The following OLFM2 variants were observed in gnomAD, a reference collection of about 807,000 sequenced individuals.
OLFM2 encodes noelin-2.
A neutral mutation model predicts 43.9 loss-of-function variants in OLFM2; 20 were observed. The observed-to-expected ratio is 0.46, with a 90% confidence interval of 0.32 to 0.66. The LOEUF is 0.66. Among genes scored for constraint, OLFM2 ranks in the 30% least tolerant of loss-of-function variants. OLFM2 has a pLI of 0.04. For synonymous variants in OLFM2, 268 were observed against 278.6 expected (o/e 0.96, Z 0.38); for missense variants, 416 against 643.6 (o/e 0.65, Z 3.83).
chr19:9,886,522 T>C (rs989164795), intron 1 of OLFM2, among the ~76,000 whole-genome samples: 1 of 152,040 alleles, frequency 6.6e-6, no homozygotes. Flanking sequence ...CAGTGTCCCT[T>C]CAGGTTCACA....
At chr19:9,871,658 A>C (rs5004102) in intron 1 of OLFM2, among the ~76,000 whole-genome samples, 74,701 of 151,352 alleles carry the variant, frequency 0.49, 18,831 homozygotes, top group African/African-American at 0.59. Flanking sequence ...CCATCTGGTT[A>C]CACAGTCTAC....
chr19:9,876,697 G>A (rs1425533204), intron 1 of OLFM2, among the ~76,000 whole-genome samples: 1 of 152,162 alleles, frequency 6.6e-6, no homozygotes, highest in Non-Finnish European at 1.5e-5. Flanking sequence ...CAGGTCTGCC[G>A]TGTGACCTTG....
intron 1 of OLFM2, among the ~76,000 whole-genome samples, chr19:9,919,313 C>T (rs1178372263): frequency 3.3e-5 from 5 of 151,956 alleles, no homozygotes; most frequent in African/African-American, 1.2e-4. Flanking sequence ...GCTACAGGCG[C>T]CTACCACCAC....
chr19:9,913,343 C>T, intron 1 of OLFM2: 1 of 383,900 alleles, frequency 2.6e-6, no homozygotes, highest in South Asian at 1.1e-4. Flanking sequence ...GCGTCCCCTA[C>T]CCAGGCGTGC....
At chr19:9,910,264 T>C (rs1396594487) in intron 1 of OLFM2, among the ~76,000 whole-genome samples, 1 of 152,084 alleles carries the variant, frequency 6.6e-6, no homozygotes, top group Non-Finnish European at 1.5e-5. Flanking sequence ...AATTAAATAA[T>C]TTCCCCCAAA....
chr19:9,920,926 T>C (rs1343841502), intron 1 of OLFM2, among the ~76,000 whole-genome samples: 3 of 151,914 alleles, frequency 2.0e-5, no homozygotes, highest in Non-Finnish European at 2.9e-5. Context: ...AAAAGTTTAT[T>C]TCCCTTGAAA....
At chr19:9,928,672 G>T in intron 1 of OLFM2, among the ~76,000 whole-genome samples, 1 of 151,906 alleles carries the variant, frequency 6.6e-6, no homozygotes, top group Non-Finnish European at 1.5e-5. Flanking sequence ...AGGCATGGTG[G>T]TGCACGCCTG....
intron 2 of OLFM2, among the ~76,000 whole-genome samples, chr19:9,858,799 G>A (rs2046344173): frequency 6.6e-6 from 1 of 152,026 alleles, no homozygotes; most frequent in Non-Finnish European, 1.5e-5. Flanking sequence ...TTGTTAAGGT[G>A]AACTCCATCT....
At chr19:9,904,774 C>T (rs1006218220) in intron 1 of OLFM2, among the ~76,000 whole-genome samples, 3 of 152,170 alleles carry the variant, frequency 2.0e-5, no homozygotes, top group Non-Finnish European at 2.9e-5. Context: ...AATCCCAACA[C>T]TCCGGGAGGC....
intron 1 of OLFM2, among the ~76,000 whole-genome samples, chr19:9,925,020 T>C (rs2086444245): frequency 6.6e-6 from 1 of 152,092 alleles, no homozygotes; most frequent in Non-Finnish European, 1.5e-5. Flanking sequence ...CCCAGCACTT[T>C]GGGAGGCTGA....
At chr19:9,882,190 T>A in intron 1 of OLFM2, among the ~76,000 whole-genome samples, 1 of 147,484 alleles carries the variant, frequency 6.8e-6, no homozygotes, top group East Asian at 2.0e-4. Context: ...CAGTGAGCTG[T>A]GATAACGCCA....
intron 1 of OLFM2, among the ~76,000 whole-genome samples, chr19:9,922,436 C>T (rs1490373343): frequency 2.6e-5 from 4 of 152,072 alleles, no homozygotes; most frequent in African/African-American, 9.7e-5. Flanking sequence ...CATCACTCAT[C>T]ATCAGGAAAT....
chr19:9,925,331 T>C (rs1262436921), intron 1 of OLFM2, among the ~76,000 whole-genome samples: 8 of 152,114 alleles, frequency 5.3e-5, no homozygotes, highest in Non-Finnish European at 1.2e-4. Flanking sequence ...TTGACAAAAA[T>C]AGCAAGTGTT....
chr19:9,893,914 C>T (rs535598069), intron 1 of OLFM2, among the ~76,000 whole-genome samples: 17 of 152,102 alleles, frequency 1.1e-4, no homozygotes, highest in Non-Finnish European at 2.4e-4. Flanking sequence ...CTCATAGATA[C>T]TAGAGTTGAA....
intron 1 of OLFM2, among the ~76,000 whole-genome samples, chr19:9,889,823 G>C (rs928835701): frequency 2.0e-5 from 3 of 152,160 alleles, no homozygotes; most frequent in African/African-American, 7.2e-5. Context: ...CTTTGGATGG[G>C]GCTGGAGCTG....
chr19:9,898,640 A>T (rs2046706632), intron 1 of OLFM2, among the ~76,000 whole-genome samples: 1 of 152,138 alleles, frequency 6.6e-6, no homozygotes, highest in Admixed American at 6.6e-5. Context: ...CTGGAATTAC[A>T]GGCATGAGCC....
At chr19:9,901,337 AC>A (rs1256134593) in intron 1 of OLFM2, among the ~76,000 whole-genome samples, 2 of 151,986 alleles carry the variant, frequency 1.3e-5, no homozygotes, top group Non-Finnish European at 2.9e-5. Flanking sequence ...GAGGAATTAG[AC>A]TTGCTTGAGC....
At chr19:9,930,344 ATAT>A (rs1430706815) in intron 1 of OLFM2, among the ~76,000 whole-genome samples, 5 of 152,192 alleles carry the variant, frequency 3.3e-5, no homozygotes, top group Middle Eastern at 3.2e-3. Context: ...TTCCATTAAA[ATAT>A]TATTTATCTT....
At chr19:9,871,697 C>A (rs1055080675) in intron 1 of OLFM2, among the ~76,000 whole-genome samples, 2 of 152,214 alleles carry the variant, frequency 1.3e-5, no homozygotes, top group Non-Finnish European at 2.9e-5. Context: ...TCCTGTCCTC[C>A]TCCAAGCCCT....
Sources: gnomAD v4.1 joint callset for allele counts (sites outside exome capture counted in the v4.1 genomes callset) on GRCh38, gnomAD v4.1.1 for gene constraint, MANE v1.5 for transcripts, NCBI Gene and HGNC (gene_info 2026-07-23, HGNC 2026-07-21) for gene names.